The following SDK1 variants were observed in gnomAD, a reference collection of about 807,000 sequenced individuals.
SDK1 encodes sidekick cell adhesion molecule 1.
SDK1 carries 157 observed loss-of-function variants against 245.5 expected under a neutral mutation model. The ratio of observed to expected loss-of-function variants is 0.64; its 90% CI spans 0.56 to 0.73. The LOEUF (loss-of-function observed/expected upper bound fraction) is 0.73. Ranked by LOEUF, SDK1 falls within the 30% of genes least tolerant of loss-of-function variation. The probability of loss-of-function intolerance (pLI) is 0.00; values close to 1 mark genes in which losing one functional copy is unlikely to be tolerated. For synonymous variants in SDK1, 1,647 were observed against 1,278.5 expected (o/e 1.29, Z -6.15); for missense variants, 3,583 against 3,002.3 (o/e 1.19, Z -4.52).
At chr7:3,922,372 A>T (rs543145861) in intron 5 of SDK1, among the ~76,000 whole-genome samples, 5 of 152,296 alleles carry the variant, frequency 3.3e-5, no homozygotes, top group Admixed American at 6.5e-5. Context: ...TCATATTGGG[A>T]GCTTGAAATC....
At chr7:3,836,209 A>C (rs896375936) in intron 5 of SDK1, among the ~76,000 whole-genome samples, 2 of 152,248 alleles carry the variant, frequency 1.3e-5, no homozygotes, top group Non-Finnish European at 2.9e-5. Context: ...GTCAAACTGT[A>C]GTGTTAAAAT....
intron 5 of SDK1, among the ~76,000 whole-genome samples, chr7:3,942,332 TA>T (rs1224252522): frequency 6.6e-6 from 1 of 152,120 alleles, no homozygotes; most frequent in Non-Finnish European, 1.5e-5. Flanking sequence ...CACCAGCAGG[TA>T]ATGACTCTGC....
chr7:3,684,091 G>A (rs1233556366), intron 4 of SDK1, among the ~76,000 whole-genome samples: 1 of 152,190 alleles, frequency 6.6e-6, no homozygotes. Context: ...GCAGGCCTCA[G>A]TAGGAGCTGA....
intron 17 of SDK1, among the ~76,000 whole-genome samples, chr7:4,023,535 A>T (rs576960235): frequency 6.6e-6 from 1 of 152,338 alleles, no homozygotes; most frequent in Admixed American, 6.5e-5. Flanking sequence ...GAGAATTTTA[A>T]ATTTAAATAA....
At chr7:3,813,051 G>C (rs17150756) in intron 4 of SDK1, among the ~76,000 whole-genome samples, 1 of 152,122 alleles carries the variant, frequency 6.6e-6, no homozygotes, top group Admixed American at 6.5e-5. Flanking sequence ...CATGTACTGA[G>C]CATTCAGGGA....
At chr7:3,415,857 T>A (rs537000650) in intron 1 of SDK1, among the ~76,000 whole-genome samples, 1 of 152,220 alleles carries the variant, frequency 6.6e-6, no homozygotes, top group Admixed American at 6.5e-5. Flanking sequence ...AATGACTAAC[T>A]GAATGAATTA....
chr7:3,869,803 G>A (rs1465098361), intron 5 of SDK1, among the ~76,000 whole-genome samples: 1 of 152,250 alleles, frequency 6.6e-6, no homozygotes, highest in East Asian at 1.9e-4. Context: ...GGGGGCTACA[G>A]TGTACACTTA....
intron 1 of SDK1, among the ~76,000 whole-genome samples, chr7:3,503,109 G>A (rs1300972924): frequency 1.3e-5 from 2 of 152,134 alleles, no homozygotes; most frequent in African/African-American, 2.4e-5. Context: ...ACATTGGTGT[G>A]CTTGCTGCAA....
chr7:4,198,401 T>C (rs1783703305), intron 35 of SDK1, among the ~76,000 whole-genome samples: 1 of 152,182 alleles, frequency 6.6e-6, no homozygotes, highest in South Asian at 2.1e-4. Flanking sequence ...CCAGGGCTCT[T>C]TGCACTTGAC....
At chr7:3,464,750 T>C (rs1780941232) in intron 1 of SDK1, among the ~76,000 whole-genome samples, 1 of 151,586 alleles carries the variant, frequency 6.6e-6, no homozygotes, top group Admixed American at 6.6e-5. Context: ...TTGGCAGAAA[T>C]ATATTTCAAT....
intron 1 of SDK1, among the ~76,000 whole-genome samples, chr7:3,610,204 C>G (rs1164840812): frequency 1.3e-5 from 2 of 152,202 alleles, no homozygotes; most frequent in Non-Finnish European, 2.9e-5. Context: ...TCTGTTACAT[C>G]TCAGTTTTTA....
intron 1 of SDK1, among the ~76,000 whole-genome samples, chr7:3,557,760 T>G (rs1340320858): frequency 6.6e-6 from 1 of 152,104 alleles, no homozygotes; most frequent in East Asian, 1.9e-4. Flanking sequence ...CTCAGTTAAA[T>G]TTTCGATTAA....
At chr7:4,189,409 A>T (rs1783065500) in intron 35 of SDK1, among the ~76,000 whole-genome samples, 1 of 152,236 alleles carries the variant, frequency 6.6e-6, no homozygotes, top group Non-Finnish European at 1.5e-5. Flanking sequence ...TTCCCCAAAA[A>T]GCGAGCCAGG....
At chr7:3,704,363 ATT>A (rs34389322) in intron 4 of SDK1, among the ~76,000 whole-genome samples, 2 of 143,422 alleles carry the variant, frequency 1.4e-5, no homozygotes. Flanking sequence ...GCCAATATCG[ATT>A]TTTTTTTTTT....
chr7:3,408,729 A>G (rs891921894), intron 1 of SDK1, among the ~76,000 whole-genome samples: 3 of 152,142 alleles, frequency 2.0e-5, no homozygotes, highest in South Asian at 4.1e-4. Flanking sequence ...AAATTGCTCT[A>G]TTTATGAACT....
At chr7:4,060,485 G>A (rs1333678468) in intron 19 of SDK1, among the ~76,000 whole-genome samples, 1 of 152,010 alleles carries the variant, frequency 6.6e-6, no homozygotes, top group Non-Finnish European at 1.5e-5. Context: ...TTTTGATGGG[G>A]TTGTTTGTTT....
chr7:4,148,176 G>A (rs185278892), intron 29 of SDK1, among the ~76,000 whole-genome samples: 2,008 of 152,286 alleles, frequency 0.013, 26 homozygotes, highest in Non-Finnish European at 0.019. Context: ...AAATCACAAG[G>A]GCCAGAACGT....
chr7:4,099,077 A>G (rs1782366771), intron 22 of SDK1, among the ~76,000 whole-genome samples: 1 of 151,990 alleles, frequency 6.6e-6, no homozygotes, highest in African/African-American at 2.4e-5. Flanking sequence ...AGGGTCAGCC[A>G]GGAAGGCTCT....
chr7:4,084,552 C>T (rs1297318667), intron 22 of SDK1, among the ~76,000 whole-genome samples: 3 of 152,174 alleles, frequency 2.0e-5, no homozygotes, highest in Non-Finnish European at 2.9e-5. Context: ...TCCTCGCTCC[C>T]AGCTGGTCCC....
Sources: allele counts gnomAD v4.1 joint callset (sites outside exome capture counted in the v4.1 genomes callset), GRCh38; gene constraint gnomAD v4.1.1; transcripts MANE v1.5; gene names NCBI Gene and HGNC (gene_info 2026-07-23, HGNC 2026-07-21).